The following SPATS1 variants were observed in gnomAD, a reference collection of about 807,000 sequenced individuals.
SPATS1 encodes spermatogenesis-associated serine-rich protein 1.
In SPATS1, 23 loss-of-function variants were observed where a neutral mutation model predicts 33.6. The observed-to-expected ratio is 0.68, with a 90% CI of 0.49 to 0.97. The LOEUF is 0.97. SPATS1 is among the 50% of genes least tolerant of loss of function. SPATS1 has a pLI of 0.00. For synonymous variants in SPATS1, 131 were observed against 125.6 expected (o/e 1.04, Z -0.29); for missense variants, 327 against 361.0 (o/e 0.91, Z 0.76).
Position 44,352,844 on chromosome 6 carries a change from T to C in SPATS1, c.258T>C (p.Pro86=). The C allele has an allele frequency of 6.2e-7, 1 of 1,614,184 alleles. No individual in the cohort carries two copies. The highest frequency in any genetic ancestry group is 8.5e-7 in the Non-Finnish European group (1 of 1,180,022). The part of the protein sequence containing the change: ...VETGPSVSEP[P]GLPRVSAYVD... ...CAGGCCCAAGTGTCAGTGAGCCTCC[T>C]GGCCTCCCCAGAGTGTCTGCTTACG... The change falls in exon 3 of 9, where the codon CCT becomes CCC. Residue 86 remains proline (P), a synonymous_variant. Coordinates refer to ENST00000674044, the MANE Select transcript of SPATS1 (RefSeq NM_001372081.1).
intron 3 of SPATS1, among the ~76,000 whole-genome samples, chr6:44,355,881 C>T (rs977637290): frequency 1.3e-5 from 2 of 152,162 alleles, no homozygotes; most frequent in Non-Finnish European, 2.9e-5. Context: ...GGTTCACATC[C>T]TGTAGGATGG....
chr6:44,373,063 T>C (rs975793399), intron 7 of SPATS1, among the ~76,000 whole-genome samples: 5 of 152,204 alleles, frequency 3.3e-5, no homozygotes, highest in African/African-American at 7.2e-5. Flanking sequence ...CCTACACATG[T>C]GTGTCTTAAT....
intron 7 of SPATS1, among the ~76,000 whole-genome samples, chr6:44,371,552 G>A (rs771491981): frequency 2.6e-5 from 4 of 152,096 alleles, no homozygotes; most frequent in Non-Finnish European, 4.4e-5. Flanking sequence ...TATGTATTTC[G>A]ATCTTTAGAA....
In SPATS1 at chr6:44,343,226, G is replaced by A. The variant is rs748731110; in HGVS notation, c.131G>A (p.Arg44Lys). 2 of 1,613,988 alleles carry A rather than the reference G, an allele frequency of 1.2e-6. No homozygotes were observed. The highest frequency in any genetic ancestry group is 2.2e-5 in the East Asian group (1 of 44,872). Residue 44 changes from arginine to lysine, a missense_variant, in exon 2 of 9, where the codon AGG (arginine) becomes AAG (lysine). Coordinates refer to ENST00000674044, the MANE Select transcript of SPATS1 (RefSeq NM_001372081.1). ...KRDSGMTEVE[R>K]TYSANCSDFL... Reference sequence around the variant, plus strand: ...GACTCTGGCATGACCGAGGTGGAGAGGACCTACAGTTGAGTTCTAAGAAAT... The same window carrying A: ...GACTCTGGCATGACCGAGGTGGAGAAGACCTACAGTTGAGTTCTAAGAAAT...
In SPATS1 at chr6:44,378,927, C is replaced by T. The variant is rs1391465504; in HGVS notation, c.*1864C>T. ...CATACATCCGTGCTAATCCTCTGGC[C>T]CCTGGGTCACAGGCCCACCCCTGCT... On this transcript the variant is annotated 3_prime_UTR_variant, in exon 9 of 9. Coordinates refer to ENST00000674044, the MANE Select transcript of SPATS1 (RefSeq NM_001372081.1). 1 of 152,050 alleles carries T rather than the reference C, an allele frequency of 6.6e-6. No homozygotes were observed. Among genetic ancestry groups the T allele is most frequent in the Non-Finnish European group, 1.5e-5 (1 of 68,032 alleles). 9.4% of individuals were successfully genotyped at this position (152,050 alleles called of 1,614,324 possible).
intron 2 of SPATS1, among the ~76,000 whole-genome samples, chr6:44,350,919 T>C (rs1324659027): frequency 6.7e-6 from 1 of 150,330 alleles, no homozygotes; most frequent in Non-Finnish European, 1.5e-5. Context: ...AGGCCAGGAG[T>C]TTGAGACCAG....
intron 2 of SPATS1, among the ~76,000 whole-genome samples, chr6:44,344,982 A>G (rs911467766): frequency 6.6e-6 from 1 of 152,150 alleles, no homozygotes; most frequent in Non-Finnish European, 1.5e-5. Flanking sequence ...GTCTCCCCAC[A>G]GCCTTCTGAG....
intron 5 of SPATS1, among the ~76,000 whole-genome samples, chr6:44,363,984 T>G (rs11754086): frequency 6.6e-6 from 1 of 152,160 alleles, no homozygotes; most frequent in Non-Finnish European, 1.5e-5. Context: ...TCATATTTTT[T>G]TAAAGAAAAA....
chr6:44,374,510 T>C (rs1789816165), intron 7 of SPATS1, among the ~76,000 whole-genome samples: 1 of 152,242 alleles, frequency 6.6e-6, no homozygotes, highest in Non-Finnish European at 1.5e-5. Flanking sequence ...CCCATTCTTT[T>C]GCTTTTGAAG....
chr6:44,365,504 C>A (rs769601587), intron 5 of SPATS1, among the ~76,000 whole-genome samples: 1 of 152,226 alleles, frequency 6.6e-6, no homozygotes, highest in Admixed American at 6.5e-5. Context: ...AGGACAGCTC[C>A]TTTCCAAGGA....
chr6:44,350,641 G>A (rs910413408), intron 2 of SPATS1, among the ~76,000 whole-genome samples: 9 of 152,180 alleles, frequency 5.9e-5, no homozygotes, highest in African/African-American at 1.4e-4. Flanking sequence ...GTGATAGATC[G>A]GGACTTGATA....
chr6:44,343,298 G>A, intron 2 of SPATS1, 64 bp downstream of exon 2: 1 of 1,588,402 alleles, frequency 6.3e-7, no homozygotes, highest in Non-Finnish European at 8.6e-7. Flanking sequence ...TACACCCGGG[G>A]GCGGGGGCAG....
In SPATS1 at chr6:44,368,420, G is replaced by C; in HGVS notation, c.616G>C (p.Asp206His). The change falls in exon 6 of 9, where the codon GAC becomes CAC. Residue 206 changes from aspartate (D) to histidine (H), a missense_variant. Transcript: ENST00000674044. ...TGGAATCCCAAAGTTAACTCCAGGC[G>C]ACAATCCATATATGTACCCAGAACA... ...RNGIPKLTPG[D>H]NPYMYPEQSK... The C allele has an allele frequency of 6.2e-7, 1 of 1,613,462 alleles. No individual in the cohort carries two copies. Among genetic ancestry groups the C allele is most frequent in the Non-Finnish European group, 8.5e-7 (1 of 1,179,712 alleles).
At chr6:44,348,806 C>G (rs1278819376) in intron 2 of SPATS1, among the ~76,000 whole-genome samples, 3 of 152,064 alleles carry the variant, frequency 2.0e-5, no homozygotes, top group African/African-American at 7.2e-5. Flanking sequence ...AGAGACCAGC[C>G]TGGCCAATAT....
intron 2 of SPATS1, among the ~76,000 whole-genome samples, chr6:44,352,151 C>A (rs1788279068): frequency 6.6e-6 from 1 of 151,786 alleles, no homozygotes; most frequent in Admixed American, 6.6e-5. Flanking sequence ...TTTTGTTTTT[C>A]TGAGACAGAG....
In SPATS1 at chr6:44,352,872, GAGTA is replaced by G. The variant is rs753308400; in HGVS notation, c.287+6_287+9del. On this transcript the variant is annotated splice_donor_variant and splice_donor_region_variant and coding_sequence_variant and intron_variant, in exon 3 of 9. Transcript: ENST00000674044. LOFTEE classifies it high-confidence loss of function. ...CCTCCCCAGAGTGTCTGCTTACGTA[GAGTA>G]AGTAAGGGTCTGGTGCAGAGCTGTC... 11 of 1,613,832 alleles carry G rather than the reference GAGTA, an allele frequency of 6.8e-6. No homozygotes were observed. Among genetic ancestry groups the G allele is most frequent in the African/African-American group, 6.7e-5 (5 of 74,920 alleles).
chr6:44,368,302 G>T (rs1417713237), intron 5 of SPATS1, 77 bp from the exon 6 acceptor site: 7 of 1,423,996 alleles, frequency 4.9e-6, no homozygotes, highest in Non-Finnish European at 6.7e-6. Flanking sequence ...TCTTTCCATT[G>T]TCATGCCAAT....
intron 3 of SPATS1, among the ~76,000 whole-genome samples, chr6:44,356,201 G>A (rs909139432): frequency 1.8e-4 from 28 of 152,032 alleles, no homozygotes; most frequent in African/African-American, 6.8e-4. Context: ...TATTCATACA[G>A]CTCCAAAGGT....
chr6:44,368,299 A>G, intron 5 of SPATS1, 80 bp from the exon 6 acceptor site: 1 of 1,389,682 alleles, frequency 7.2e-7, no homozygotes, highest in Non-Finnish European at 9.8e-7. Flanking sequence ...TCCTCTTTCC[A>G]TTGTCATGCC....
Sources: gnomAD v4.1 joint callset for allele counts (sites outside exome capture counted in the v4.1 genomes callset) on GRCh38, gnomAD v4.1.1 for gene constraint, MANE v1.5 for transcripts, NCBI Gene and HGNC (gene_info 2026-07-23, HGNC 2026-07-21) for gene names.